The following ZNF334 variants were observed in gnomAD, a reference collection of about 807,000 sequenced individuals.
ZNF334 encodes the protein zinc finger protein 334.
Under a neutral mutation model 12.4 loss-of-function variants are expected in ZNF334, and 14 were observed. The ratio of observed to expected loss-of-function variants is 1.13; its 90% CI spans 0.74 to 1.76. ZNF334 has a LOEUF of 1.76. ZNF334 is among the 40% of genes most tolerant of loss of function. The pLI is 0.00. For missense variants in ZNF334, 797 were observed against 804.5 expected (o/e 0.99, Z 0.11); for synonymous variants, 273 against 269.6 (o/e 1.01, Z -0.12).
At chr20:46,495,197 C>T (rs2061001303), downstream of ZNF334, among the ~76,000 whole-genome samples, 2 of 151,956 alleles carry the variant, frequency 1.3e-5, no homozygotes, top group Non-Finnish European at 2.9e-5. Context: ...TATTTTCATT[C>T]TCACATATTT....
Position 46,502,810 on chromosome 20 carries a change from C to A in ZNF334, c.529G>T (p.Gly177Ter). The change falls in exon 5 of 5, where the codon GGA (glycine) becomes TGA (stop). Residue 177 changes from glycine to a stop codon, truncating the protein, a stop_gained. Coordinates refer to ENST00000692313, the MANE Select transcript of ZNF334 (RefSeq NM_001353824.2). LOFTEE classifies it low-confidence loss of function (END_TRUNC). ...GFGKHEKSHL[G>*]MKKYRYNPMR... The stretch of plus-strand genomic sequence containing the variant: ...GGATTGTATCTGTATTTTTTCATTC[C>A]CAAATGACTTTTCTCATGCTTCCCA... The A allele has an allele frequency of 6.2e-7, 1 of 1,613,802 alleles. No individual in the cohort carries two copies. The highest frequency in any genetic ancestry group is 1.3e-5 in the African/African-American group (1 of 74,998).
chr20:46,480,412 G>T, the ZNF334 span, among the ~76,000 whole-genome samples: 21 of 152,264 alleles, frequency 1.4e-4, no homozygotes, highest in South Asian at 4.4e-3. Flanking sequence ...TCCCGCTGCT[G>T]AAAGCGCCAA....
chr20:46,499,067 G>A (rs1301583105), downstream of ZNF334, among the ~76,000 whole-genome samples: 1 of 150,308 alleles, frequency 6.7e-6, no homozygotes, highest in East Asian at 2.0e-4. Flanking sequence ...CCAGCTACTT[G>A]GGAGGCTGAG....
At chr20:46,487,226 G>T in the ZNF334 span, among the ~76,000 whole-genome samples, 1 of 151,812 alleles carries the variant, frequency 6.6e-6, no homozygotes, top group Admixed American at 6.6e-5. Context: ...TCAGCATTAC[G>T]GGTTTAAAAT....
In ZNF334 at chr20:46,501,779, A is replaced by G; in HGVS notation, c.1560T>C (p.Ser520=). 1 of 1,614,074 alleles carries G rather than the reference A, an allele frequency of 6.2e-7. No homozygotes were observed. ...MNTKENLYEC[S]EHGHAVSKNS... ...TTTTGCTGACGGCATGCCCATGTTC[A>G]CTACACTCATAAAGATTCTCCTTTG... The change falls in exon 5 of 5, where the codon AGT becomes AGC. Residue 520 remains serine, a synonymous_variant. Transcript: ENST00000692313.
the ZNF334 span, chr20:46,464,207 C>A: frequency 1.9e-6 from 1 of 531,034 alleles, no homozygotes. Context: ...TGTCCTTCAT[C>A]AAAATCCCTG....
chr20:46,473,841 A>G, the ZNF334 span, among the ~76,000 whole-genome samples: 13 of 152,218 alleles, frequency 8.5e-5, no homozygotes, highest in African/African-American at 2.9e-4. Flanking sequence ...TTTATAATCA[A>G]TTAATACCTG....
rs763437357 is a variant in ZNF334, at chr20:46,502,317, C to T, written c.1022G>A (p.Arg341Lys). The T allele has an allele frequency of 6.2e-7, 1 of 1,614,126 alleles. No homozygotes were observed. The highest frequency in any genetic ancestry group is 1.1e-5 in the South Asian group (1 of 91,072). ...FRKSALAEHF[R>K]SHTGEKPYEC... ...GTAAGGCTTCTCCCCTGTGTGTGACCTGAAATGTTCAGCCAGGGCTGACTT... is the reference window on the plus strand; with the variant it reads ...GTAAGGCTTCTCCCCTGTGTGTGACTTGAAATGTTCAGCCAGGGCTGACTT... Residue 341 changes from arginine to lysine, a missense_variant, in exon 5 of 5, where the codon AGG becomes AAG. Transcript: ENST00000692313.
the ZNF334 span, among the ~76,000 whole-genome samples, chr20:46,478,836 G>A: frequency 1.3e-5 from 2 of 152,160 alleles, no homozygotes; most frequent in South Asian, 2.1e-4. Flanking sequence ...ATTTCACCCC[G>A]TTGGGTCTTT....
chr20:46,472,548 T>C, the ZNF334 span, among the ~76,000 whole-genome samples: 3 of 152,148 alleles, frequency 2.0e-5, no homozygotes, highest in Non-Finnish European at 4.4e-5. Flanking sequence ...AGGAAGGGTC[T>C]CCCAGGCAGA....
rs1331965073 is a variant in ZNF334 at position 46,512,934 on chromosome 20, C to CA, written c.-434dup. On this transcript the variant is annotated 5_prime_UTR_variant, in exon 1 of 5. An upstream open reading frame in the 5' UTR gains an earlier in-frame stop. Transcript: ENST00000692313. ...CATGGTTGGTGCAGCTCTGAATAAA[C>CA]AGAGGGTGGAGATGGTAGGGAATGA... The CA allele has an allele frequency of 2.0e-5, 3 of 152,216 alleles. No individual in the cohort carries two copies. Among genetic ancestry groups the CA allele is most frequent in the African/African-American group, 7.2e-5 (3 of 41,444 alleles). 9.4% of individuals were successfully genotyped at this position (152,216 alleles called of 1,614,324 possible). A position where few individuals can be genotyped will look rare whatever the true frequency, so the allele number is the denominator to read the frequency against.
chr20:46,497,008 C>T (rs1409606578), downstream of ZNF334, among the ~76,000 whole-genome samples: 3 of 152,330 alleles, frequency 2.0e-5, no homozygotes, highest in Middle Eastern at 3.4e-3. Context: ...ACAGCCTTCC[C>T]GTAATAGCCT....
At chr20:46,478,498 A>G in the ZNF334 span, among the ~76,000 whole-genome samples, 37 of 152,348 alleles carry the variant, frequency 2.4e-4, no homozygotes, top group African/African-American at 8.7e-4. Context: ...CAAAGTCTCC[A>G]GGTAGCTGGC....
At chr20:46,479,544 A>G in the ZNF334 span, among the ~76,000 whole-genome samples, 1 of 152,202 alleles carries the variant, frequency 6.6e-6, no homozygotes, top group African/African-American at 2.4e-5. Flanking sequence ...ATCAAATTCC[A>G]TCCTGACTCT....
At chr20:46,478,124 A>G in the ZNF334 span, among the ~76,000 whole-genome samples, 1 of 152,192 alleles carries the variant, frequency 6.6e-6, no homozygotes, top group Non-Finnish European at 1.5e-5. Context: ...TTGTCAATGA[A>G]AAGAGTCAAA....
Position 46,500,585 on chromosome 20 carries a change from C to G in ZNF334, c.*711G>C, listed in dbSNP as rs2061121451. 6.6e-6 allele frequency: 1 copy of G among 152,198 alleles called. No individual in the cohort carries two copies. The highest frequency in any genetic ancestry group is 6.5e-5 in the Admixed American group (1 of 15,276). The allele number at this position is 152,198 out of a possible 1,614,324, so 9.4% of individuals were successfully genotyped here. A position where few individuals can be genotyped will look rare whatever the true frequency, so the allele number is the denominator to read the frequency against. On this transcript the variant is annotated 3_prime_UTR_variant, in exon 5 of 5. Coordinates refer to ENST00000692313, the MANE Select transcript of ZNF334 (RefSeq NM_001353824.2). ...AAATTCTCTTTGTTGTTCAAGAATG[C>G]TTATTTTCCCATGTTTTTCCTACTG...
chr20:46,494,926 A>C (rs1600994496), downstream of ZNF334, among the ~76,000 whole-genome samples: 6 of 152,224 alleles, frequency 3.9e-5, no homozygotes, highest in African/African-American at 2.4e-5. Context: ...TAATTCCTAA[A>C]CCCAATGTCT....
the ZNF334 span, among the ~76,000 whole-genome samples, chr20:46,473,547 T>C: frequency 6.6e-6 from 1 of 152,360 alleles, no homozygotes; most frequent in Non-Finnish European, 1.5e-5. Flanking sequence ...AAACTATCCT[T>C]TTATTTCCTT....
the ZNF334 span, among the ~76,000 whole-genome samples, chr20:46,471,521 C>G: frequency 6.6e-6 from 1 of 152,152 alleles, no homozygotes; most frequent in Admixed American, 6.5e-5. Context: ...CTATTTAAGA[C>G]ACCTTTTCCT....
Sources: allele counts gnomAD v4.1 joint callset (sites outside exome capture counted in the v4.1 genomes callset), GRCh38; gene constraint gnomAD v4.1.1; transcripts MANE v1.5; gene names NCBI Gene and HGNC (gene_info 2026-07-23, HGNC 2026-07-21).